Variants in CTNNA3 observed in about 807,000 individuals in gnomAD.
CTNNA3 encodes catenin alpha 3, also known as catenin alpha-3.
A neutral mutation model predicts 95.7 loss-of-function variants in CTNNA3; 76 were observed. The observed-to-expected ratio is 0.79, with a 90% CI of 0.66 to 0.96. The LOEUF (loss-of-function observed/expected upper bound fraction) is 0.96, where lower values mean the gene tolerates loss of function less well. Among genes scored for constraint, CTNNA3 ranks in the 40% least tolerant of loss-of-function variants. CTNNA3 has a pLI of 0.00. For synonymous variants in CTNNA3, 431 were observed against 374.4 expected, an observed-to-expected ratio of 1.15 and a Z score of -1.74; for missense variants, 1,191 against 1,089.8, an observed-to-expected ratio of 1.09 and a Z score of -1.31.
At chr10:66,440,603 C>T (rs28659796) in intron 11 of CTNNA3, among the ~76,000 whole-genome samples, 17,838 of 152,112 alleles carry the variant, frequency 0.12, 1,524 homozygotes, top group African/African-American at 0.24. Flanking sequence ...CACTACCCAT[C>T]TGACTCCAGA....
chr10:67,723,178 G>A (rs142580541), intron 1 of CTNNA3, among the ~76,000 whole-genome samples: 1 of 151,744 alleles, frequency 6.6e-6, no homozygotes, highest in Admixed American at 6.6e-5. Flanking sequence ...GTTGAGATGG[G>A]GTTTTGCCAT....
At chr10:67,761,097 T>C (rs1453535138) in intron 1 of CTNNA3, among the ~76,000 whole-genome samples, 1 of 152,192 alleles carries the variant, frequency 6.6e-6, no homozygotes, top group East Asian at 1.9e-4. Flanking sequence ...GTACAACATA[T>C]TCAGTAGGCA....
chr10:66,121,986 C>G (rs1469672266), intron 13 of CTNNA3, among the ~76,000 whole-genome samples: 1 of 152,122 alleles, frequency 6.6e-6, no homozygotes, highest in Non-Finnish European at 1.5e-5. Context: ...GTTATAAATA[C>G]TTAATCACAT....
intron 2 of CTNNA3, among the ~76,000 whole-genome samples, chr10:67,634,003 A>G (rs890221861): frequency 2.0e-5 from 3 of 152,170 alleles, no homozygotes; most frequent in African/African-American, 7.2e-5. Flanking sequence ...CTCCATGAGA[A>G]GATCAACCCC....
At chr10:66,948,305 C>G (rs1412335516) in intron 7 of CTNNA3, among the ~76,000 whole-genome samples, 1 of 152,182 alleles carries the variant, frequency 6.6e-6, no homozygotes, top group African/African-American at 2.4e-5. Flanking sequence ...TTTAATAAAG[C>G]TTTTCTGAAT....
chr10:67,093,209 C>T (rs565675033), intron 7 of CTNNA3, among the ~76,000 whole-genome samples: 1 of 151,800 alleles, frequency 6.6e-6, no homozygotes, highest in East Asian at 1.9e-4. Flanking sequence ...GAAGCAAATG[C>T]CTTATTAGAT....
intron 10 of CTNNA3, among the ~76,000 whole-genome samples, chr10:66,596,915 CAGAT>C (rs1293978356): frequency 1.3e-5 from 2 of 151,562 alleles, no homozygotes; most frequent in Non-Finnish European, 2.9e-5. Flanking sequence ...CCAGAGAACA[CAGAT>C]AGATACCTAA....
chr10:67,711,627 C>T (rs1366256379), intron 1 of CTNNA3, among the ~76,000 whole-genome samples: 5 of 151,658 alleles, frequency 3.3e-5, no homozygotes, highest in African/African-American at 9.7e-5. Context: ...TACATGTGCA[C>T]ATTGTGCAGG....
At chr10:66,532,956 A>G (rs933572462) in intron 10 of CTNNA3, among the ~76,000 whole-genome samples, 1 of 152,068 alleles carries the variant, frequency 6.6e-6, no homozygotes, top group Non-Finnish European at 1.5e-5. Flanking sequence ...TTGACCTCCA[A>G]GATACTATGT....
chr10:66,088,091 T>G (rs1208361717), intron 14 of CTNNA3, among the ~76,000 whole-genome samples: 1 of 152,102 alleles, frequency 6.6e-6, no homozygotes, highest in Non-Finnish European at 1.5e-5. Context: ...TTTTTCCTTA[T>G]GTTTATTTGA....
intron 3 of CTNNA3, among the ~76,000 whole-genome samples, chr10:67,555,554 T>C (rs1841209748): frequency 6.6e-6 from 1 of 152,178 alleles, no homozygotes; most frequent in South Asian, 2.1e-4. Flanking sequence ...AGCTCTCTGT[T>C]TGTCTGTTAT....
rs575921218 is a variant in CTNNA3 at position 67,358,411 on chromosome 10, C to A, written c.580-138541G>T. 2.0e-5 allele frequency among the ~76,000 whole-genome samples: 3 copies of A among 152,154 alleles called. No individual in the cohort carries two copies. In the South Asian group the frequency reaches 6.2e-4, roughly 32 times the overall value. ...GGAAAAAACAAAATATGGGGTAAAC[C>A]ATCACACTTTGCACAGATCTTTTGA... On this transcript the variant is annotated intron_variant, in intron 5 of 17. Transcript: ENST00000433211.
intron 7 of CTNNA3, among the ~76,000 whole-genome samples, chr10:67,175,747 C>T (rs1163129741): frequency 2.0e-5 from 3 of 152,104 alleles, no homozygotes; most frequent in Non-Finnish European, 4.4e-5. Context: ...ACACATCCAA[C>T]CCAACTACAA....
chr10:66,560,589 C>T (rs1842523690), intron 10 of CTNNA3, among the ~76,000 whole-genome samples: 1 of 151,976 alleles, frequency 6.6e-6, no homozygotes, highest in Admixed American at 6.6e-5. Context: ...GCTTTATGTC[C>T]TAGCCTATTT....
At chr10:66,561,929 GT>G (rs1842565668) in intron 10 of CTNNA3, among the ~76,000 whole-genome samples, 2 of 152,014 alleles carry the variant, frequency 1.3e-5, no homozygotes, top group Admixed American at 6.6e-5. Context: ...CGTGACGATG[GT>G]TTGTGAGGGG....
intron 13 of CTNNA3, among the ~76,000 whole-genome samples, chr10:66,174,038 C>T (rs540995337): frequency 3.5e-4 from 54 of 152,242 alleles, no homozygotes; most frequent in Admixed American, 2.0e-3. Context: ...CACTCTGATG[C>T]TTTCAATACA....
intron 10 of CTNNA3, among the ~76,000 whole-genome samples, chr10:66,617,463 A>C (rs1029337069): frequency 1.3e-5 from 2 of 152,154 alleles, no homozygotes; most frequent in African/African-American, 2.4e-5. Flanking sequence ...CAAAAACCAC[A>C]TGATTGTCTC....
intron 4 of CTNNA3, among the ~76,000 whole-genome samples, chr10:67,530,253 C>T (rs747643917): frequency 7.2e-5 from 11 of 152,146 alleles, no homozygotes; most frequent in African/African-American, 9.7e-5. Context: ...TAACAGGCAG[C>T]GGTTGGAACA....
intron 9 of CTNNA3, among the ~76,000 whole-genome samples, chr10:66,682,065 A>G (rs917091448): frequency 1.3e-5 from 2 of 152,192 alleles, no homozygotes; most frequent in African/African-American, 4.8e-5. Flanking sequence ...CAAGAGCCCA[A>G]TCCCTAACTG....
Sources: gnomAD v4.1 joint callset for allele counts (sites outside exome capture counted in the v4.1 genomes callset) on GRCh38, gnomAD v4.1.1 for gene constraint, MANE v1.5 for transcripts, NCBI Gene and HGNC (gene_info 2026-07-23, HGNC 2026-07-21) for gene names.